Variants in PSMD12 observed in about 807,000 individuals in gnomAD.
PSMD12 encodes proteasome 26S subunit, non-ATPase 12.
PSMD12 carries 8 observed loss-of-function variants against 62.9 expected under a neutral mutation model. The observed-to-expected ratio is 0.13, with a 90% CI of 0.07 to 0.23. The LOEUF (loss-of-function observed/expected upper bound fraction) is 0.23, where lower values mean the gene tolerates loss of function less well. Ranked by LOEUF, PSMD12 falls within the 10% of genes least tolerant of loss-of-function variation. PSMD12 has a pLI of 1.00. For synonymous variants in PSMD12, 173 were observed against 187.4 expected, an observed-to-expected ratio of 0.92 and a Z score of 0.63; for missense variants, 424 against 550.2, an observed-to-expected ratio of 0.77 and a Z score of 2.29.
intron 2 of PSMD12, 30 bp downstream of exon 2, chr17:67,357,489 T>C (rs2042086429): frequency 2.5e-6 from 4 of 1,612,886 alleles, no homozygotes; most frequent in East Asian, 2.2e-5. Context: ...AAATTAATGG[T>C]AACTGAGCTT....
Position 67,354,915 on chromosome 17 carries a change from G to C in PSMD12, c.297+2388C>G, listed in dbSNP as rs112961832. On this transcript the variant is annotated intron_variant, in intron 3 of 10. Transcript: ENST00000356126. ...TCAGGCAGAAGAAGTGCATAAACCCGAGGGGCGGAGGTTGCAGTGAGCAGA... is the reference window on the plus strand; with the variant it reads ...TCAGGCAGAAGAAGTGCATAAACCCCAGGGGCGGAGGTTGCAGTGAGCAGA... 3.3e-5 allele frequency among the ~76,000 whole-genome samples: 5 copies of C among 152,010 alleles called. 1 individual carries two copies. Among genetic ancestry groups the C allele is most frequent in the African/African-American group, 1.2e-4 (5 of 41,466 alleles).
rs1307748812 is a variant in PSMD12, at chr17:67,339,951, TA to T, written c.*891del. 6.6e-6 allele frequency: 1 copy of T among 151,806 alleles called. No individual in the cohort carries two copies. The highest frequency in any genetic ancestry group is 2.4e-5 in the African/African-American group (1 of 41,356). 9.4% of individuals were successfully genotyped at this position (151,806 alleles called of 1,614,324 possible). A position where few individuals can be genotyped will look rare whatever the true frequency, so the allele number is the denominator to read the frequency against. ...TTATCCAGTGTTCATATAATGGAAC[TA>T]AAAGTTCCTACAGAGATAATGAATT... On this transcript the variant is annotated 3_prime_UTR_variant, in exon 11 of 11. Transcript: ENST00000356126.
intron 10 of PSMD12, 102 bp downstream of exon 10, chr17:67,342,084 A>G: frequency 1.1e-6 from 1 of 922,390 alleles, no homozygotes; most frequent in Non-Finnish European, 1.7e-6. Flanking sequence ...TCTATTACCT[A>G]AACATAAAAT....
intron 1 of PSMD12, among the ~76,000 whole-genome samples, chr17:67,366,033 AATTG>A (rs2042175569): frequency 6.6e-6 from 1 of 152,186 alleles, no homozygotes. Context: ...TAACGACATA[AATTG>A]ATTGAGCAAC....
At chr17:67,360,920 C>G (rs536858326) in intron 1 of PSMD12, among the ~76,000 whole-genome samples, 1 of 152,296 alleles carries the variant, frequency 6.6e-6, no homozygotes, top group South Asian at 2.1e-4. Context: ...TCATTTAATA[C>G]AATTTCCAAT....
chr17:67,347,666 G>C (rs762263977), intron 5 of PSMD12, among the ~76,000 whole-genome samples, 181 bp from the exon 6 acceptor site: 22 of 152,042 alleles, frequency 1.4e-4, no homozygotes, highest in Admixed American at 3.3e-4. Flanking sequence ...ATTTATAATG[G>C]ATTTTCCCCC....
chr17:67,341,852 A>G (rs2041918027), intron 10 of PSMD12, among the ~76,000 whole-genome samples: 1 of 152,206 alleles, frequency 6.6e-6, no homozygotes, highest in African/African-American at 2.4e-5. Flanking sequence ...TTCCAACTCT[A>G]ATGTTCCATG....
intron 1 of PSMD12, among the ~76,000 whole-genome samples, chr17:67,364,187 C>A (rs1026904919): frequency 1.3e-5 from 2 of 151,272 alleles, no homozygotes; most frequent in African/African-American, 4.9e-5. Flanking sequence ...AAAAGTATAC[C>A]CTCCCACAAC....
intron 1 of PSMD12, among the ~76,000 whole-genome samples, chr17:67,363,132 A>G (rs2042148503): frequency 6.6e-6 from 1 of 152,120 alleles, no homozygotes; most frequent in African/African-American, 2.4e-5. Context: ...CCCATCTAAT[A>G]CATTATTAAG....
rs933760958 is a variant in PSMD12, at chr17:67,338,237, A to T, written c.*2606T>A. The stretch of plus-strand genomic sequence containing the variant: ...TAATACACTAATGACAATGAAATGG[A>T]ATCAAGTGTTATCTTCTCCACATTT... On this transcript the variant is annotated 3_prime_UTR_variant, in exon 11 of 11. Coordinates refer to ENST00000356126, the MANE Select transcript of PSMD12 (RefSeq NM_002816.5). 6 of 152,236 alleles carry T rather than the reference A, an allele frequency of 3.9e-5. No individual in the cohort carries two copies. The highest frequency in any genetic ancestry group is 1.2e-4 in the African/African-American group (5 of 41,454). 9.4% of individuals were successfully genotyped at this position (152,236 alleles called of 1,614,324 possible).
At chr17:67,346,355 A>T (rs532421515) in intron 7 of PSMD12, among the ~76,000 whole-genome samples, 1 of 151,424 alleles carries the variant, frequency 6.6e-6, no homozygotes, top group African/African-American at 2.4e-5. Context: ...AGATTGCGCC[A>T]CTGCACTCCA....
chr17:67,342,211 G>T lies in PSMD12; in HGVS notation c.1136C>A (p.Ala379Glu). The change falls in exon 10 of 11, where the codon GCA (alanine) becomes GAA (glutamate). Residue 379 changes from alanine (A) to glutamate (E), a missense_variant. Ala to Glu is a moderately radical substitution (Grantham distance 107). Transcript: ENST00000356126. ...ATCAACAGATAGATCCAGAAGCTGTGCCATCCTTTTCATTGTTATCCGAGT... is the reference window on the plus strand; with the variant it reads ...ATCAACAGATAGATCCAGAAGCTGTTCCATCCTTTTCATTGTTATCCGAGT... ...YYTRITMKRM[A>E]QLLDLSVDES... 6.3e-7 allele frequency: 1 copy of T among 1,587,100 alleles called. No individual in the cohort carries two copies. Among genetic ancestry groups the T allele is most frequent in the Non-Finnish European group, 8.7e-7 (1 of 1,155,818 alleles).
chr17:67,344,956 T>C (rs112019108), intron 8 of PSMD12, among the ~76,000 whole-genome samples, 176 bp from the exon 9 acceptor site: 4 of 152,370 alleles, frequency 2.6e-5, no homozygotes, highest in African/African-American at 9.6e-5. Flanking sequence ...TTTCCCACAG[T>C]AGTTCAGAAT....
intron 3 of PSMD12, among the ~76,000 whole-genome samples, chr17:67,352,024 T>G (rs898143565): frequency 1.3e-5 from 2 of 148,202 alleles, no homozygotes; most frequent in African/African-American, 2.5e-5. Context: ...TTGAACCCAG[T>G]GAGCCAAGAT....
chr17:67,352,624 C>A (rs1047460117), intron 3 of PSMD12, among the ~76,000 whole-genome samples: 1 of 152,164 alleles, frequency 6.6e-6, no homozygotes, highest in Non-Finnish European at 1.5e-5. Flanking sequence ...TCTCCACTTA[C>A]GAAGGTTTTG....
At chr17:67,347,525 C>T (rs751871914) in intron 5 of PSMD12, 40 bp from the exon 6 acceptor site, 121 of 1,549,548 alleles carry the variant, frequency 7.8e-5, no homozygotes, top group Non-Finnish European at 1.0e-4. Flanking sequence ...TAATACTTTG[C>T]AATTTTGTGA....
At chr17:67,358,567 C>CAAAAAAAAAAA (rs398039153) in intron 1 of PSMD12, among the ~76,000 whole-genome samples, 13 of 74,046 alleles carry the variant, frequency 1.8e-4, no homozygotes, top group Non-Finnish European at 2.2e-4. Context: ...GAACCTGTCT[C>CAAAAAAAAAAA]AAAAAAAAAA....
chr17:67,358,535 T>C (rs1375428191), intron 1 of PSMD12, among the ~76,000 whole-genome samples: 1 of 121,734 alleles, frequency 8.2e-6, no homozygotes, highest in Non-Finnish European at 1.6e-5. Context: ...ACCACTGCAC[T>C]CTAGCATGGG....
intron 9 of PSMD12, among the ~76,000 whole-genome samples, chr17:67,343,348 C>T (rs1467775795): frequency 6.6e-6 from 1 of 152,158 alleles, no homozygotes; most frequent in African/African-American, 2.4e-5. Flanking sequence ...CCATTCCAAG[C>T]AGTCTTTAAT....
Sources: gnomAD v4.1 joint callset for allele counts (sites outside exome capture counted in the v4.1 genomes callset) on GRCh38, gnomAD v4.1.1 for gene constraint, MANE v1.5 for transcripts, NCBI Gene and HGNC (gene_info 2026-07-23, HGNC 2026-07-21) for gene names.